UBE2G1: variants seen among roughly 807,000 people sequenced by gnomAD.
The protein encoded by UBE2G1 is ubiquitin-conjugating enzyme E2 G1.
In UBE2G1, 5 loss-of-function variants were observed where a neutral mutation model predicts 22.7. The observed-to-expected ratio is 0.22, with a 90% confidence interval of 0.12 to 0.46. UBE2G1 has a LOEUF of 0.46. Ranked by LOEUF, UBE2G1 falls within the 20% of genes least tolerant of loss-of-function variation. The probability of loss-of-function intolerance (pLI) is 0.99; values close to 1 mark genes in which losing one functional copy is unlikely to be tolerated. For synonymous variants in UBE2G1, 74 were observed against 67.5 expected (o/e 1.10, Z -0.47); for missense variants, 88 against 203.9 (o/e 0.43, Z 3.46).
rs1306417044 is a variant in UBE2G1 at position 4,366,299 on chromosome 17, C to T, written c.18G>A (p.Ser6=). ...CCAGCTGTCTTCGCAGTAGCAGTGC[C>T]GACTGCAGCTCCGTCATCCTCCCTG... MTELQ[S]ALLLRRQLAE... Residue 6 remains serine, a synonymous_variant, in exon 1 of 6, where the codon TCG becomes TCA. Coordinates refer to ENST00000396981, the MANE Select transcript of UBE2G1 (RefSeq NM_003342.5). The T allele has an allele frequency of 6.4e-7, 1 of 1,554,800 alleles. No individual in the cohort carries two copies. The highest frequency in any genetic ancestry group is 8.6e-7 in the Non-Finnish European group (1 of 1,159,718).
chr17:4,363,064 T>C (rs750202311), intron 1 of UBE2G1, among the ~76,000 whole-genome samples: 54 of 152,140 alleles, frequency 3.5e-4, no homozygotes, highest in Non-Finnish European at 6.6e-4. Context: ...GAAGTTGTCG[T>C]CAGCCAAGAT....
At chr17:4,358,486 T>C (rs1230260305) in intron 1 of UBE2G1, among the ~76,000 whole-genome samples, 1 of 152,156 alleles carries the variant, frequency 6.6e-6, no homozygotes, top group Non-Finnish European at 1.5e-5. Flanking sequence ...GAGGGTTCTT[T>C]AAATATTCTA....
intron 1 of UBE2G1, among the ~76,000 whole-genome samples, chr17:4,311,264 A>G (rs7221915): frequency 0.038 from 5,775 of 152,170 alleles, 399 homozygotes; most frequent in African/African-American, 0.13. Flanking sequence ...AAGTAAAATG[A>G]CATATGATTA....
intron 2 of UBE2G1, among the ~76,000 whole-genome samples, chr17:4,298,898 G>A (rs886725869): frequency 1.3e-5 from 2 of 152,176 alleles, no homozygotes; most frequent in African/African-American, 2.4e-5. Context: ...AGAAGCATGA[G>A]GGCTTGAGGG....
chr17:4,318,175 G>A (rs1969398918), intron 1 of UBE2G1, among the ~76,000 whole-genome samples: 1 of 152,112 alleles, frequency 6.6e-6, no homozygotes, highest in African/African-American at 2.4e-5. Context: ...CCAGCTTAAG[G>A]TACAATAAAT....
At chr17:4,301,300 G>A (rs1969176249) in intron 2 of UBE2G1, 3 of 419,658 alleles carry the variant, frequency 7.1e-6, no homozygotes, top group Admixed American at 7.0e-5. Flanking sequence ...TTTCTGCCAG[G>A]TCCTGGAGTT....
At chr17:4,299,352 T>C (rs750757655) in intron 2 of UBE2G1, among the ~76,000 whole-genome samples, 9 of 152,062 alleles carry the variant, frequency 5.9e-5, no homozygotes, top group Non-Finnish European at 1.0e-4. Flanking sequence ...TGAGCCAAGA[T>C]TGTGCCACTG....
chr17:4,303,209 A>C (rs1473807345), intron 2 of UBE2G1, among the ~76,000 whole-genome samples: 4 of 152,186 alleles, frequency 2.6e-5, no homozygotes, highest in Non-Finnish European at 5.9e-5. Context: ...TGGACTGCTG[A>C]GCAGTGACCC....
rs1970041650 is a variant in UBE2G1, at chr17:4,366,666, C to T, written c.-350G>A. On this transcript the variant is annotated 5_prime_UTR_variant, in exon 1 of 6. Transcript: ENST00000396981. ...CGCGCAGGGCCGCTCGGCGCAGGCG[C>T]GCTGAGACTGCCGACTTGGGAAGCG... 3 of 211,644 alleles carry T rather than the reference C, an allele frequency of 1.4e-5. No individual in the cohort carries two copies. The highest frequency in any genetic ancestry group is 2.8e-5 in the Non-Finnish European group (3 of 106,188). 13.1% of individuals were successfully genotyped at this position (211,644 alleles called of 1,614,324 possible).
intron 1 of UBE2G1, among the ~76,000 whole-genome samples, chr17:4,328,087 C>T (rs982379235): frequency 2.6e-5 from 4 of 152,100 alleles, no homozygotes; most frequent in African/African-American, 4.8e-5. Context: ...GAAATAACTC[C>T]GAATGGATCA....
chr17:4,323,121 T>G (rs1296467111), intron 1 of UBE2G1, among the ~76,000 whole-genome samples: 2 of 152,214 alleles, frequency 1.3e-5, no homozygotes, highest in African/African-American at 2.4e-5. Flanking sequence ...GGAGAAATAT[T>G]GGAAAGCAAA....
At chr17:4,353,812 A>AT (rs11437680) in intron 1 of UBE2G1, among the ~76,000 whole-genome samples, 35,845 of 104,856 alleles carry the variant, frequency 0.34, 7,834 homozygotes, top group African/African-American at 0.54. Flanking sequence ...GCCCGGTCAA[A>AT]TTTTTTTTTT....
intron 1 of UBE2G1, among the ~76,000 whole-genome samples, chr17:4,316,670 C>G (rs117191416): frequency 3.3e-5 from 5 of 152,052 alleles, no homozygotes; most frequent in African/African-American, 4.8e-5. Context: ...CACGGGCTAC[C>G]GGCTAGCTGA....
intron 1 of UBE2G1, among the ~76,000 whole-genome samples, chr17:4,348,809 T>G (rs1051658179): frequency 6.8e-6 from 1 of 147,334 alleles, no homozygotes; most frequent in African/African-American, 2.5e-5. Context: ...TGCAGTCAGC[T>G]GAGATTATGC....
At chr17:4,315,623 C>G (rs919146469) in intron 1 of UBE2G1, among the ~76,000 whole-genome samples, 2 of 150,680 alleles carry the variant, frequency 1.3e-5, no homozygotes, top group African/African-American at 2.4e-5. Context: ...GCCTGTAGTC[C>G]CAGCTACTCG....
In UBE2G1 at chr17:4,294,331, G is replaced by A. The variant is rs561789593; in HGVS notation, c.247+2386C>T. 1.6e-4 allele frequency among the ~76,000 whole-genome samples: 24 copies of A among 150,150 alleles called. No homozygotes were observed. The South Asian group carries it at 1.7e-3, about 10-fold the overall frequency. On this transcript the variant is annotated intron_variant, in intron 3 of 5. Transcript: ENST00000396981. ...CTCAGGAGGCTGAGGCAAGAGAATC[G>A]TTTGAACCCAGGAGGCAGAGGTTGC...
intron 5 of UBE2G1, among the ~76,000 whole-genome samples, chr17:4,274,351 C>T (rs1198335041): frequency 6.6e-6 from 1 of 152,128 alleles, no homozygotes; most frequent in Non-Finnish European, 1.5e-5. Context: ...GCGCCTGCCA[C>T]CATGCCCGGC....
intron 1 of UBE2G1, among the ~76,000 whole-genome samples, chr17:4,311,547 T>TAGAATAA (rs1969310042): frequency 1.3e-5 from 2 of 152,188 alleles, no homozygotes; most frequent in Non-Finnish European, 2.9e-5. Context: ...TAAAGTCACA[T>TAGAATAA]GTTATATGAC....
chr17:4,324,948 G>C (rs1969485943), intron 1 of UBE2G1, among the ~76,000 whole-genome samples: 1 of 151,900 alleles, frequency 6.6e-6, no homozygotes, highest in Non-Finnish European at 1.5e-5. Flanking sequence ...GTGGTGGCAG[G>C]CTTCTGTAGT....
Sources: gnomAD v4.1 joint callset for allele counts (sites outside exome capture counted in the v4.1 genomes callset) on GRCh38, gnomAD v4.1.1 for gene constraint, MANE v1.5 for transcripts, NCBI Gene and HGNC (gene_info 2026-07-23, HGNC 2026-07-21) for gene names.